CCDC3: variants seen among roughly 807,000 people sequenced by gnomAD.
CCDC3 encodes coiled-coil domain containing 3.
A neutral mutation model predicts 21.4 loss-of-function variants in CCDC3; 24 were observed. That is an observed-to-expected ratio of 1.12 (90% confidence interval 0.81 to 1.58). The LOEUF (loss-of-function observed/expected upper bound fraction) is 1.58. Ranked by LOEUF, CCDC3 falls within the 40% of genes most tolerant of loss-of-function variation. CCDC3 has a pLI of 0.00. For synonymous variants in CCDC3, 186 were observed against 166.0 expected (o/e 1.12, Z -0.93); for missense variants, 425 against 360.9 (o/e 1.18, Z -1.44).
intron 2 of CCDC3, among the ~76,000 whole-genome samples, chr10:12,942,037 A>C (rs1834839808): frequency 6.6e-6 from 1 of 152,228 alleles, no homozygotes; most frequent in South Asian, 2.1e-4. Context: ...GGTAAATGAT[A>C]GTAATTAAGC....
At chr10:13,070,891 T>G (rs1478268594) in intron 4 of CCDC3, among the ~76,000 whole-genome samples, 1 of 152,208 alleles carries the variant, frequency 6.6e-6, no homozygotes, top group Non-Finnish European at 1.5e-5. Flanking sequence ...ATCATTAGGT[T>G]CTAGATTCAT....
At chr10:12,986,131 C>T (rs1209474862) in intron 2 of CCDC3, among the ~76,000 whole-genome samples, 1 of 152,150 alleles carries the variant, frequency 6.6e-6, no homozygotes, top group East Asian at 1.9e-4. Context: ...TAAATGACTG[C>T]CTGTGTAACT....
intron 2 of CCDC3, among the ~76,000 whole-genome samples, chr10:12,935,886 T>C (rs1834729612): frequency 6.6e-6 from 1 of 152,216 alleles, no homozygotes; most frequent in Non-Finnish European, 1.5e-5. Context: ...TACAAGTACC[T>C]TATAATAACA....
At chr10:13,032,831 G>A (rs1178356679) in intron 5 of CCDC3, among the ~76,000 whole-genome samples, 1 of 152,270 alleles carries the variant, frequency 6.6e-6, no homozygotes, top group Middle Eastern at 3.4e-3. Flanking sequence ...ACTGCTGAAC[G>A]AAATAAAAGA....
At chr10:13,037,191 C>A (rs896403368) in intron 5 of CCDC3, among the ~76,000 whole-genome samples, 1 of 152,110 alleles carries the variant, frequency 6.6e-6, no homozygotes, top group Non-Finnish European at 1.5e-5. Context: ...TCTAAAATAG[C>A]GTACAAGCCC....
chr10:12,901,044 G>A (rs1241839650), intron 2 of CCDC3, among the ~76,000 whole-genome samples: 1 of 152,134 alleles, frequency 6.6e-6, no homozygotes, highest in Non-Finnish European at 1.5e-5. Context: ...CTGTATCCAA[G>A]GACTGGCTGA....
intron 2 of CCDC3, among the ~76,000 whole-genome samples, chr10:12,966,866 A>G (rs1410965007): frequency 1.3e-5 from 2 of 152,214 alleles, no homozygotes; most frequent in African/African-American, 2.4e-5. Context: ...ACAATGTTCA[A>G]AACAGTTTCC....
chr10:12,949,881 T>C (rs1834982515), intron 2 of CCDC3, among the ~76,000 whole-genome samples: 1 of 152,186 alleles, frequency 6.6e-6, no homozygotes, highest in African/African-American at 2.4e-5. Context: ...GCTGAGGTCA[T>C]CTCATCTAAT....
intron 2 of CCDC3, among the ~76,000 whole-genome samples, chr10:12,957,955 A>G: frequency 6.6e-6 from 1 of 151,984 alleles, no homozygotes. Flanking sequence ...TCAGCCTCCC[A>G]AATAGGTGGA....
At chr10:12,981,028 T>C (rs1231072164) in intron 2 of CCDC3, among the ~76,000 whole-genome samples, 1 of 151,966 alleles carries the variant, frequency 6.6e-6, no homozygotes, top group Non-Finnish European at 1.5e-5. Flanking sequence ...AGACCCTTTA[T>C]GGAAGATTAG....
chr10:13,048,036 G>A (rs1836551027), intron 5 of CCDC3, among the ~76,000 whole-genome samples: 1 of 152,158 alleles, frequency 6.6e-6, no homozygotes, highest in Non-Finnish European at 1.5e-5. Flanking sequence ...AGTCAATTAT[G>A]TATGCACCTC....
Position 13,001,657 on chromosome 10 carries a change from G to C in CCDC3, c.-87C>G, listed in dbSNP as rs1282270035. The C allele has an allele frequency of 1.1e-6, 1 of 886,434 alleles. No homozygotes were observed. The highest frequency in any genetic ancestry group is 1.4e-6 in the Non-Finnish European group (1 of 727,812). 54.9% of individuals were successfully genotyped at this position (886,434 alleles called of 1,614,324 possible). On this transcript the variant is annotated 5_prime_UTR_variant, in exon 1 of 3. Coordinates refer to ENST00000378825, the MANE Select transcript of CCDC3 (RefSeq NM_031455.4). Reference sequence around the variant, plus strand: ...GAAGGGCAGCCCTGGGCGCTCGGCTGCTCGGGCCGCTCCCGGGAGCTGAGC... The same window carrying C: ...GAAGGGCAGCCCTGGGCGCTCGGCTCCTCGGGCCGCTCCCGGGAGCTGAGC...
chr10:13,043,998 C>G (rs1427833457), intron 5 of CCDC3, among the ~76,000 whole-genome samples: 2 of 142,170 alleles, frequency 1.4e-5, no homozygotes, highest in Non-Finnish European at 3.0e-5. Flanking sequence ...TCCCTTTTCT[C>G]TGAAGCCTCA....
At chr10:12,900,684 C>G (rs937242592) in intron 2 of CCDC3, among the ~76,000 whole-genome samples, 4 of 135,444 alleles carry the variant, frequency 3.0e-5, no homozygotes, top group East Asian at 2.1e-4. Context: ...AAGAGACACT[C>G]CATCTCAAAA....
chr10:12,972,339 C>T (rs952411999), intron 2 of CCDC3, among the ~76,000 whole-genome samples: 1 of 152,178 alleles, frequency 6.6e-6, no homozygotes, highest in Admixed American at 6.5e-5. Flanking sequence ...CCCAGGCACA[C>T]CCTTGGGCTT....
chr10:12,967,648 A>C (rs1835280830), intron 2 of CCDC3, among the ~76,000 whole-genome samples: 1 of 152,174 alleles, frequency 6.6e-6, no homozygotes, highest in African/African-American at 2.4e-5. Context: ...AAAGGGATGA[A>C]GAAAGCTTCA....
chr10:12,948,724 G>C (rs1834960953), intron 2 of CCDC3, among the ~76,000 whole-genome samples: 2 of 118,946 alleles, frequency 1.7e-5, no homozygotes, highest in South Asian at 2.8e-4. Flanking sequence ...TCATTTTTAA[G>C]GCAGTTTTTT....
intron 2 of CCDC3, among the ~76,000 whole-genome samples, chr10:12,978,560 GA>G (rs1455040770): frequency 8.2e-4 from 125 of 152,244 alleles, no homozygotes; most frequent in African/African-American, 2.9e-3. Context: ...CAGAGAGAGA[GA>G]GAGAGAGAGA....
At chr10:13,042,906 CAAAAAA>C (rs55911312) in intron 5 of CCDC3, among the ~76,000 whole-genome samples, 58 of 100,404 alleles carry the variant, frequency 5.8e-4, no homozygotes, top group Middle Eastern at 5.2e-3. Context: ...GAGACTGTCT[CAAAAAA>C]AAAAAAAAAA....
Sources: gnomAD v4.1 joint callset for allele counts (sites outside exome capture counted in the v4.1 genomes callset) on GRCh38, gnomAD v4.1.1 for gene constraint, MANE v1.5 for transcripts, NCBI Gene and HGNC (gene_info 2026-07-23, HGNC 2026-07-21) for gene names.